RIC1: variants seen among roughly 807,000 people sequenced by gnomAD.
RIC1 encodes RIC1 partner of RAB6A GEF complex.
In RIC1, 88 loss-of-function variants were observed where a neutral mutation model predicts 169.0. The observed-to-expected ratio is 0.52, with a 90% CI of 0.44 to 0.62. RIC1 has a LOEUF of 0.62. Among genes scored for constraint, RIC1 ranks in the 20% least tolerant of loss-of-function variants. The pLI, the probability that RIC1 is intolerant of heterozygous loss-of-function variation, is 0.00. For synonymous variants in RIC1, 790 were observed against 601.5 expected (o/e 1.31, Z -4.59); for missense variants, 1,877 against 1,725.5 (o/e 1.09, Z -1.56).
At chr9:5,646,487 C>T (rs2130362158) in intron 1 of RIC1, among the ~76,000 whole-genome samples, 1 of 152,126 alleles carries the variant, frequency 6.6e-6, no homozygotes, top group Admixed American at 6.5e-5. Context: ...ATTACTTTTT[C>T]TATGTTTAGA....
intron 3 of RIC1, among the ~76,000 whole-genome samples, chr9:5,694,927 C>G (rs2130738102): frequency 6.6e-6 from 1 of 152,076 alleles, no homozygotes; most frequent in East Asian, 1.9e-4. Flanking sequence ...GCTCTAGGCA[C>G]TGTTGTAGAT....
At chr9:5,768,611 T>G (rs1173638324) in intron 21 of RIC1, among the ~76,000 whole-genome samples, 1 of 152,226 alleles carries the variant, frequency 6.6e-6, no homozygotes, top group East Asian at 1.9e-4. Flanking sequence ...CTCTCTATCC[T>G]TAGTTTCTTT....
chr9:5,770,538 G>A (rs1247139570), intron 23 of RIC1, among the ~76,000 whole-genome samples: 1 of 152,062 alleles, frequency 6.6e-6, no homozygotes, highest in Non-Finnish European at 1.5e-5. Context: ...TTGATGATAA[G>A]GAAACACTAA....
chr9:5,711,289 C>G (rs1036915576), intron 3 of RIC1, among the ~76,000 whole-genome samples: 4 of 152,000 alleles, frequency 2.6e-5, no homozygotes, highest in Admixed American at 2.6e-4. Context: ...TGTCAACATC[C>G]CCCTCTCCCC....
chr9:5,772,305 G>A (rs747377466), intron 23 of RIC1, among the ~76,000 whole-genome samples: 10 of 152,178 alleles, frequency 6.6e-5, no homozygotes, highest in Non-Finnish European at 1.5e-4. Flanking sequence ...ACTCTAGCTA[G>A]ATTTTATTGA....
rs553840851 is a variant in RIC1 at position 5,642,139 on chromosome 9, A to G, written c.144+12686A>G. 1.8e-3 allele frequency among the ~76,000 whole-genome samples: 263 copies of G among 145,454 alleles called. 55 individuals are homozygous for G. The highest frequency in any genetic ancestry group is 6.3e-3 in the African/African-American group (225 of 35,924). ...ATAATGCTGAGGTTTTTGCAGACTC[A>G]GAGGTACTGCCTTGGTGGTCTTGGA... On this transcript the variant is annotated intron_variant, in intron 1 of 25. Transcript: ENST00000414202.
chr9:5,670,845 G>C (rs1050204332), intron 2 of RIC1, among the ~76,000 whole-genome samples: 1 of 152,162 alleles, frequency 6.6e-6, no homozygotes, highest in Non-Finnish European at 1.5e-5. Context: ...GTTTTTCAAG[G>C]ATAGTTTGGT....
intron 1 of RIC1, among the ~76,000 whole-genome samples, chr9:5,632,250 T>C (rs1817750536): frequency 6.6e-6 from 1 of 152,206 alleles, no homozygotes; most frequent in Non-Finnish European, 1.5e-5. Context: ...GGGACAGTCG[T>C]TTAGTAGTCT....
At chr9:5,771,441 G>C (rs187566328) in intron 23 of RIC1, among the ~76,000 whole-genome samples, 2 of 152,174 alleles carry the variant, frequency 1.3e-5, no homozygotes, top group East Asian at 1.9e-4. Flanking sequence ...ATGGACACTT[G>C]GGTTGCTTTT....
chr9:5,701,415 C>A (rs1822211706), intron 3 of RIC1, among the ~76,000 whole-genome samples: 1 of 151,948 alleles, frequency 6.6e-6, no homozygotes, highest in South Asian at 2.1e-4. Flanking sequence ...AGTTCAAGAC[C>A]AGCCTGACCA....
chr9:5,688,034 T>A (rs1821358765), intron 2 of RIC1, among the ~76,000 whole-genome samples: 1 of 152,228 alleles, frequency 6.6e-6, no homozygotes, highest in Non-Finnish European at 1.5e-5. Context: ...TTTTAGTATT[T>A]CTGTTTCTAG....
At chr9:5,717,206 G>C (rs1021836964) in intron 4 of RIC1, among the ~76,000 whole-genome samples, 1 of 152,114 alleles carries the variant, frequency 6.6e-6, no homozygotes, top group African/African-American at 2.4e-5. Flanking sequence ...CAGCATCACT[G>C]ATTATCATGT....
intron 3 of RIC1, among the ~76,000 whole-genome samples, chr9:5,695,570 TC>T: frequency 7.0e-6 from 1 of 143,842 alleles, no homozygotes; most frequent in Non-Finnish European, 1.5e-5. Context: ...TATTATTATA[TC>T]TTTTTTTTTT....
intron 6 of RIC1, among the ~76,000 whole-genome samples, chr9:5,729,902 A>C (rs1446720842): frequency 6.6e-6 from 1 of 152,080 alleles, no homozygotes; most frequent in Non-Finnish European, 1.5e-5. Context: ...TTGGGACTTA[A>C]ATGTTTAGAC....
At chr9:5,636,750 A>C (rs1817990109) in intron 1 of RIC1, among the ~76,000 whole-genome samples, 1 of 152,050 alleles carries the variant, frequency 6.6e-6, no homozygotes, top group African/African-American at 2.4e-5. Flanking sequence ...GGTGGTTTTT[A>C]GGTTTTTCTA....
intron 1 of RIC1, among the ~76,000 whole-genome samples, chr9:5,646,862 C>G (rs932394027): frequency 3.9e-5 from 6 of 152,088 alleles, no homozygotes; most frequent in Admixed American, 2.6e-4. Context: ...CTTTCAGTAT[C>G]ATATCCAAGA....
intron 6 of RIC1, among the ~76,000 whole-genome samples, chr9:5,722,826 C>G (rs746227224): frequency 2.0e-5 from 3 of 152,042 alleles, no homozygotes; most frequent in Admixed American, 6.6e-5. Context: ...TTTGTCCTTG[C>G]AATAGTTTGC....
At chr9:5,767,871 G>A (rs1351107133) in intron 21 of RIC1, among the ~76,000 whole-genome samples, 2 of 152,192 alleles carry the variant, frequency 1.3e-5, no homozygotes, top group African/African-American at 4.8e-5. Flanking sequence ...ACAGGCATGA[G>A]CCACCATGCC....
chr9:5,739,324 C>A (rs759965882), intron 8 of RIC1, among the ~76,000 whole-genome samples: 1 of 152,106 alleles, frequency 6.6e-6, no homozygotes, highest in Non-Finnish European at 1.5e-5. Flanking sequence ...TTTAACTCCC[C>A]GAGCTGCAGC....
Sources: allele counts gnomAD v4.1 joint callset (sites outside exome capture counted in the v4.1 genomes callset), GRCh38; gene constraint gnomAD v4.1.1; transcripts MANE v1.5; gene names NCBI Gene and HGNC (gene_info 2026-07-23, HGNC 2026-07-21).